Variants in HPX observed in about 807,000 individuals in gnomAD.
The protein encoded by HPX is beta-1B-glycoprotein.
In HPX, 42 loss-of-function variants were observed where a neutral mutation model predicts 53.8. That is an observed-to-expected ratio of 0.78 (90% CI 0.61 to 1.01). The LOEUF (loss-of-function observed/expected upper bound fraction) is 1.01, where lower values mean the gene tolerates loss of function less well. Among genes scored for constraint, HPX ranks in the 50% least tolerant of loss-of-function variants. The pLI is 0.00. For missense variants in HPX, 547 were observed against 594.3 expected (o/e 0.92, Z 0.83); for synonymous variants, 229 against 221.1 (o/e 1.04, Z -0.32).
chr11:6,438,196 C>A, intron 5 of HPX, 160 bp downstream of exon 5: 1 of 715,688 alleles, frequency 1.4e-6, no homozygotes. Context: ...CTCTCCTTCC[C>A]TCACGTGACC....
rs780330516 is a variant in HPX, at chr11:6,437,537, C to G, written c.606G>C (p.Gln202His). Residue 202 changes from glutamine to histidine, a missense_variant, in exon 6 of 10, where the codon CAG becomes CAC. By Grantham distance (24) the Gln-to-His change is conservative. Transcript: ENST00000265983. ...GGTCGAAGCGCAGGAATTGGTTACC[C>G]TGGAAGCAGTAGTAGCGGCCCAGCC... is the stretch of plus-strand genomic sequence containing the variant. ...LRWLGRYYCF[Q>H]GNQFLRFDPV... 1 of 1,614,202 alleles carries G rather than the reference C, an allele frequency of 6.2e-7. No individual in the cohort carries two copies. The highest frequency in any genetic ancestry group is 1.1e-5 in the South Asian group (1 of 91,078).
intron 4 of HPX, chr11:6,439,593 C>T: frequency 1.2e-5 from 2 of 171,452 alleles, no homozygotes; most frequent in South Asian, 2.8e-4. Flanking sequence ...CCCCAAGGAA[C>T]ATTAGGGAAC....
rs1370938109 is a variant in HPX at position 6,440,944 on chromosome 11, G to T, written c.20C>A (p.Ala7Glu). The T allele has an allele frequency of 1.2e-6, 2 of 1,607,702 alleles. No individual in the cohort carries two copies. Among genetic ancestry groups the T allele is most frequent in the Admixed American group, 3.4e-5 (2 of 59,382 alleles). MARVLG[A>E]PVALGLWSLC... ...GCTCCACAACCCCAGTGCAACGGGTGCTCCCAGTACCCTAGCCATGCTGAG... is the reference window on the plus strand; with the variant it reads ...GCTCCACAACCCCAGTGCAACGGGTTCTCCCAGTACCCTAGCCATGCTGAG... The change falls in exon 1 of 10, where the codon GCA (alanine) becomes GAA (glutamate). Residue 7 changes from alanine (A) to glutamate (E), a missense_variant. By Grantham distance (107) the Ala-to-Glu change is moderately radical. Coordinates refer to ENST00000265983, the MANE Select transcript of HPX (RefSeq NM_000613.3).
At chr11:6,439,984 C>T (rs1027155480) in intron 4 of HPX, 181 bp downstream of exon 4, 4 of 716,220 alleles carry the variant, frequency 5.6e-6, no homozygotes, top group Non-Finnish European at 9.8e-6. Flanking sequence ...GGATGGTGCA[C>T]CTGCCAGGCC....
At chr11:6,437,842 A>G (rs1395704552) in intron 5 of HPX, 190 bp from the exon 6 acceptor site, 2 of 604,596 alleles carry the variant, frequency 3.3e-6, no homozygotes, top group Non-Finnish European at 5.9e-6. Flanking sequence ...AGCTCAGCAA[A>G]GGCAGTGGGG....
At chr11:6,432,066 AGAG>A in intron 7 of HPX, 49 bp from the exon 8 acceptor site, 1 of 1,609,620 alleles carries the variant, frequency 6.2e-7, no homozygotes. Context: ...AAGCCCAGGC[AGAG>A]AAGAGGCTAG....
chr11:6,436,911 G>T, intron 7 of HPX, 135 bp downstream of exon 7: 1 of 934,306 alleles, frequency 1.1e-6, no homozygotes. Flanking sequence ...GGATGCAGAA[G>T]GGCATGCAGA....
At chr11:6,436,410 T>G (rs901837432) in intron 7 of HPX, among the ~76,000 whole-genome samples, 7 of 152,188 alleles carry the variant, frequency 4.6e-5, no homozygotes, top group African/African-American at 1.2e-4. Context: ...CCCTAGGTAT[T>G]ATTAGATGGC....
At chr11:6,439,346 T>G (rs1849456473) in intron 4 of HPX, among the ~76,000 whole-genome samples, 1 of 152,078 alleles carries the variant, frequency 6.6e-6, no homozygotes, top group Admixed American at 6.6e-5. Context: ...TCAGGCACAT[T>G]TTGGGGTCAT....
rs571006089 is a variant in HPX at position 6,438,648 on chromosome 11, A to G, written c.337-139T>C. 2.2e-4 allele frequency: 171 copies of G among 760,722 alleles called. 1 individual carries two copies. In the South Asian group the frequency reaches 2.8e-3, roughly 13 times the overall value. The allele number at this position is 760,722 out of a possible 1,614,324, so 47.1% of individuals were successfully genotyped here. A position where few individuals can be genotyped will look rare whatever the true frequency, so the allele number is the denominator to read the frequency against. ...ATTCTCAGTCCATCTGTGGACAACAATGTGCTGTCCTTTTGCACATTACAC... is the reference window on the plus strand; with the variant it reads ...ATTCTCAGTCCATCTGTGGACAACAGTGTGCTGTCCTTTTGCACATTACAC... On this transcript the variant is annotated intron_variant, in intron 4 of 9. Coordinates refer to ENST00000265983, the MANE Select transcript of HPX (RefSeq NM_000613.3).
At position 6,431,062 on chromosome 11, in the gene HPX, G is replaced by C. The variant is rs559728677; in HGVS notation, c.*149C>G. The C allele has an allele frequency of 3.1e-5, 32 of 1,032,098 alleles. No homozygotes were observed. The South Asian group carries it at 5.3e-4, about 17-fold the overall frequency. 63.9% of individuals were successfully genotyped at this position (1,032,098 alleles called of 1,614,324 possible). ...AAGGTCCCTTGATTCAAGTGAAGAA[G>C]CAATCTGTCTTTATTATGAGAAACT... On this transcript the variant is annotated 3_prime_UTR_variant, in exon 10 of 10. Transcript: ENST00000265983.
At chr11:6,438,805 C>G (rs1849450102) in intron 4 of HPX, among the ~76,000 whole-genome samples, 1 of 152,226 alleles carries the variant, frequency 6.6e-6, no homozygotes, top group African/African-American at 2.4e-5. Context: ...ACTGTTCATC[C>G]TGCAATCACC....
In HPX at chr11:6,431,337, A is replaced by G; in HGVS notation, c.1263T>C (p.Asn421=). 6.2e-7 allele frequency: 1 copy of G among 1,614,238 alleles called. No homozygotes were observed. The highest frequency in any genetic ancestry group is 8.5e-7 in the Non-Finnish European group (1 of 1,180,048). The change falls in exon 10 of 10, where the codon AAT becomes AAC. Residue 421 remains asparagine, a synonymous_variant. Coordinates refer to ENST00000265983, the MANE Select transcript of HPX (RefSeq NM_000613.3). The part of the protein sequence containing the change: ...KSLGPNSCSA[N]GPGLYLIHGP... ...CATGGATGAGGTACAAGCCGGGACC[A>G]TTGGCGGAACATGAGTTAGGGCCAA...
chr11:6,432,148 T>C, intron 7 of HPX, 131 bp from the exon 8 acceptor site: 1 of 989,812 alleles, frequency 1.0e-6, no homozygotes, highest in East Asian at 2.4e-5. Context: ...AGAGGCCAGG[T>C]GAGAAGGAGA....
intron 6 of HPX, 125 bp downstream of exon 6, chr11:6,437,314 TG>T: frequency 7.3e-7 from 1 of 1,366,586 alleles, no homozygotes; most frequent in Non-Finnish European, 1.0e-6. Flanking sequence ...AGAATGGAAA[TG>T]GGGCTAGATT....
At chr11:6,440,390 C>T (rs1849466595) in intron 3 of HPX, 77 bp downstream of exon 3, 2 of 1,591,978 alleles carry the variant, frequency 1.3e-6, no homozygotes, top group African/African-American at 1.3e-5. Flanking sequence ...TTCCTAAGAC[C>T]TCCCACAGAC....
chr11:6,440,519 C>G lies in HPX; in HGVS notation c.162G>C (p.Trp54Cys), dbSNP rs143155427. The G allele has an allele frequency of 6.4e-7, 1 of 1,567,858 alleles. No individual in the cohort carries two copies. Among genetic ancestry groups the G allele is most frequent in the African/African-American group, 1.5e-5 (1 of 68,308 alleles). Residue 54 changes from tryptophan to cysteine, a missense_variant, in exon 3 of 10, where the codon TGG becomes TGC. Trp to Cys is a radical substitution (Grantham distance 215, BLOSUM62 -2). Transcript: ENST00000265983. ...CATCCAGGGTGGTAGCATCAAAGCT[C>G]CAGCCATCTGAGCAGCGTTCTGGGG... Reference protein sequence around the residue: ...PDVTERCSDGWSFDATTLDDN... With the variant: ...PDVTERCSDGCSFDATTLDDN...
chr11:6,440,947 C>A lies in HPX; in HGVS notation c.17G>T (p.Gly6Val). The change falls in exon 1 of 10, where the codon GGA becomes GTA. Residue 6 changes from glycine (G) to valine (V), a missense_variant. Coordinates refer to ENST00000265983, the MANE Select transcript of HPX (RefSeq NM_000613.3). ...CCACAACCCCAGTGCAACGGGTGCT[C>A]CCAGTACCCTAGCCATGCTGAGCTG... MARVL[G>V]APVALGLWSL... 6.2e-7 allele frequency: 1 copy of A among 1,607,050 alleles called. No homozygotes were observed. Among genetic ancestry groups the A allele is most frequent in the East Asian group, 2.2e-5 (1 of 44,664 alleles).
chr11:6,437,799 A>C, intron 5 of HPX, 147 bp from the exon 6 acceptor site: 1 of 654,480 alleles, frequency 1.5e-6, no homozygotes, highest in Non-Finnish European at 2.7e-6. Flanking sequence ...GGGTGATCAT[A>C]CACCAAAATT....
Sources: allele counts gnomAD v4.1 joint callset (sites outside exome capture counted in the v4.1 genomes callset), GRCh38; gene constraint gnomAD v4.1.1; transcripts MANE v1.5; gene names NCBI Gene and HGNC (gene_info 2026-07-23, HGNC 2026-07-21).